Variants in GNG7 observed in about 807,000 individuals in gnomAD.
The protein encoded by GNG7 is guanine nucleotide-binding protein G(I)/G(S)/G(O) subunit gamma-7.
In GNG7, 1 loss-of-function variant was observed where a neutral mutation model predicts 4.0. That is an observed-to-expected ratio of 0.25 (90% CI 0.09 to 1.18). GNG7 has a LOEUF of 1.18. Among genes scored for constraint, GNG7 ranks in the 50% most tolerant of loss-of-function variants. The pLI is 0.50. For synonymous variants in GNG7, 34 were observed against 36.9 expected (o/e 0.92, Z 0.29); for missense variants, 86 against 91.9 (o/e 0.94, Z 0.26).
Position 2,617,973 on chromosome 19 carries a change from G to A in GNG7, c.-78+28251C>T, listed in dbSNP as rs992661335. Among the ~76,000 whole-genome samples the A allele has an allele frequency of 6.6e-6, 1 of 151,874 alleles. No homozygotes were observed. The highest frequency in any genetic ancestry group is 1.5e-5 in the Non-Finnish European group (1 of 67,946). On this transcript the variant is annotated intron_variant, in intron 2 of 4. Transcript: ENST00000382159. The surrounding 1 kb of genome is among the most constrained non-coding windows in gnomAD (Gnocchi z 4.7). ...GGCCTCAAGTGATCCTCCCACCTCGGCCTCCCAAAGCGCTGAGATTACAGG... is the reference window on the plus strand; with the variant it reads ...GGCCTCAAGTGATCCTCCCACCTCGACCTCCCAAAGCGCTGAGATTACAGG...
intron 2 of GNG7, among the ~76,000 whole-genome samples, chr19:2,566,157 C>CATAA (rs1015318410): frequency 3.2e-4 from 49 of 151,718 alleles, no homozygotes; most frequent in East Asian, 1.7e-3. Context: ...GACTCCGTCT[C>CATAA]ATAAATAAAT....
chr19:2,566,242 G>C (rs1322442188), intron 2 of GNG7, among the ~76,000 whole-genome samples: 2 of 152,204 alleles, frequency 1.3e-5, no homozygotes, highest in East Asian at 3.8e-4. Flanking sequence ...ATGCTGTATA[G>C]ATAGGAGATT....
chr19:2,611,160 C>T lies in GNG7; in HGVS notation c.-78+35064G>A, dbSNP rs1191623248. The T allele has an allele frequency of 1.3e-5, 2 of 152,274 alleles. No homozygotes were observed. The highest frequency in any genetic ancestry group is 4.8e-5 in the African/African-American group (2 of 41,458). 9.4% of individuals were successfully genotyped at this position (152,274 alleles called of 1,614,324 possible). A position where few individuals can be genotyped will look rare whatever the true frequency, so the allele number is the denominator to read the frequency against. ...CGCCACCCCGACCCTTACTAAGCCG[C>T]TCAGCCCAGGGATCCAGGGCCCTGG... On this transcript the variant is annotated intron_variant, in intron 2 of 4. Coordinates refer to ENST00000382159, the MANE Select transcript of GNG7 (RefSeq NM_052847.3). The surrounding 1 kb of genome is among the most constrained non-coding windows in gnomAD (Gnocchi z 6.0).
intron 2 of GNG7, among the ~76,000 whole-genome samples, chr19:2,570,856 G>A (rs538657147): frequency 6.6e-6 from 1 of 152,226 alleles, no homozygotes; most frequent in South Asian, 2.1e-4. Flanking sequence ...GGAGTACAGT[G>A]GTGCAATCAC....
chr19:2,530,940 T>C (rs779144802), intron 3 of GNG7, among the ~76,000 whole-genome samples: 2 of 152,046 alleles, frequency 1.3e-5, no homozygotes, highest in African/African-American at 4.8e-5. Flanking sequence ...AGGTCCAGGG[T>C]TTCCTGAGGA....
intron 3 of GNG7, among the ~76,000 whole-genome samples, chr19:2,553,198 A>T (rs900808565): frequency 6.6e-6 from 1 of 151,322 alleles, no homozygotes; most frequent in Non-Finnish European, 1.5e-5. Context: ...CATTACTACC[A>T]ACTGTATGGA....
chr19:2,549,259 G>A (rs1198813935), intron 3 of GNG7, among the ~76,000 whole-genome samples: 1 of 151,798 alleles, frequency 6.6e-6, no homozygotes, highest in Admixed American at 6.6e-5. Flanking sequence ...TGGAGGTGGA[G>A]GAGGACATGC....
chr19:2,649,266 G>C (rs1251418397), intron 1 of GNG7, among the ~76,000 whole-genome samples: 1 of 151,930 alleles, frequency 6.6e-6, no homozygotes, highest in Non-Finnish European at 1.5e-5. Flanking sequence ...TGAATTTGAA[G>C]TGGTCTGGTG....
intron 3 of GNG7, among the ~76,000 whole-genome samples, chr19:2,551,557 ATATT>A (rs1257147476): frequency 2.0e-5 from 3 of 147,106 alleles, no homozygotes; most frequent in Admixed American, 6.8e-5. Context: ...TTATTAATAT[ATATT>A]TATCTATTAT....
At chr19:2,670,795 T>G (rs1442997151) in intron 1 of GNG7, among the ~76,000 whole-genome samples, 1 of 151,598 alleles carries the variant, frequency 6.6e-6, no homozygotes, top group African/African-American at 2.4e-5. Context: ...TCCCAGACTT[T>G]ACCAGGTGTC....
intron 2 of GNG7, among the ~76,000 whole-genome samples, chr19:2,616,400 G>T (rs1981725609): frequency 6.6e-6 from 1 of 151,622 alleles, no homozygotes; most frequent in Non-Finnish European, 1.5e-5. Flanking sequence ...GTGTGCCACC[G>T]TGCCCAGCTA....
intron 1 of GNG7, among the ~76,000 whole-genome samples, chr19:2,687,984 GGCTCAC>G (rs1983914232): frequency 6.6e-6 from 1 of 151,736 alleles, no homozygotes; most frequent in Non-Finnish European, 1.5e-5. Context: ...CGGGCGCGGT[GGCTCAC>G]GCCTGTAATC....
chr19:2,606,991 C>CG (rs1478779537), intron 2 of GNG7, among the ~76,000 whole-genome samples: 3 of 151,564 alleles, frequency 2.0e-5, no homozygotes, highest in Admixed American at 6.6e-5. Context: ...GAGGCCGAGG[C>CG]GGGGGGATCA....
intron 2 of GNG7, among the ~76,000 whole-genome samples, chr19:2,635,337 G>A (rs1054969682): frequency 4.6e-5 from 7 of 152,214 alleles, no homozygotes; most frequent in South Asian, 4.1e-4. Flanking sequence ...AGTGCTGAAT[G>A]TGAGAGACCC....
chr19:2,643,829 C>T, intron 2 of GNG7: 1 of 359,366 alleles, frequency 2.8e-6, no homozygotes, highest in Non-Finnish European at 5.5e-6. Flanking sequence ...CAATGGGACG[C>T]TGTCATCGAC....
At chr19:2,619,145 C>A (rs7257500) in intron 2 of GNG7, among the ~76,000 whole-genome samples, 30,583 of 152,116 alleles carry the variant, frequency 0.2, 5,510 homozygotes, top group African/African-American at 0.48. Context: ...AACAAATATC[C>A]GTAAGTAGAA....
chr19:2,692,018 C>T (rs1913146639), intron 1 of GNG7, among the ~76,000 whole-genome samples: 1 of 152,326 alleles, frequency 6.6e-6, no homozygotes, highest in Admixed American at 6.5e-5. Flanking sequence ...GCCTCCTTCC[C>T]TGGAGCCTCT....
intron 2 of GNG7, among the ~76,000 whole-genome samples, chr19:2,565,728 C>T (rs917057067): frequency 6.6e-6 from 1 of 152,166 alleles, no homozygotes; most frequent in East Asian, 1.9e-4. Flanking sequence ...GCAGTTGAGA[C>T]TCCAGGTGAC....
At chr19:2,656,029 C>CAAAA (rs55687607) in intron 1 of GNG7, among the ~76,000 whole-genome samples, 87 of 98,084 alleles carry the variant, frequency 8.9e-4, no homozygotes, top group Non-Finnish European at 1.4e-3. Flanking sequence ...CGATTCAAAA[C>CAAAA]AAAAAAAAAA....
Sources: gnomAD v4.1 joint callset for allele counts (sites outside exome capture counted in the v4.1 genomes callset) on GRCh38, gnomAD v4.1.1 for gene constraint, Gnocchi (gnomAD v3.1) non-coding constraint, MANE v1.5 for transcripts, NCBI Gene and HGNC (gene_info 2026-07-23, HGNC 2026-07-21) for gene names.